Variants in MTMR10 observed in about 807,000 individuals in gnomAD.
The protein encoded by MTMR10 is myotubularin related protein 10.
Under a neutral mutation model 88.1 loss-of-function variants are expected in MTMR10, and 56 were observed. That is an observed-to-expected ratio of 0.64 (90% CI 0.51 to 0.79). MTMR10 has a LOEUF of 0.79. Ranked by LOEUF, MTMR10 falls within the 30% of genes least tolerant of loss-of-function variation. The pLI is 0.00. For synonymous variants in MTMR10, 380 were observed against 340.9 expected, an observed-to-expected ratio of 1.11 and a Z score of -1.26; for missense variants, 883 against 924.7, an observed-to-expected ratio of 0.95 and a Z score of 0.58.
chr15:30,960,730 G>C (rs2063390206), intron 7 of MTMR10, 151 bp downstream of exon 7: 1 of 1,127,160 alleles, frequency 8.9e-7, no homozygotes, highest in South Asian at 3.1e-5. Context: ...AATAAGCCTT[G>C]ATCTTTAAAA....
intron 3 of MTMR10, 31 bp from the exon 4 acceptor site, chr15:30,975,034 C>A: frequency 2.1e-6 from 3 of 1,431,892 alleles, no homozygotes; most frequent in Non-Finnish European, 1.9e-6. Context: ...CATATTAATT[C>A]TTTTCCCAAT....
At chr15:30,927,171 T>G in the MTMR10 span, 24 of 954,900 alleles carry the variant, frequency 2.5e-5, no homozygotes, top group African/African-American at 4.1e-4. Flanking sequence ...ATTGTGCCAC[T>G]GCACTCCAGT....
chr15:30,920,103 A>T, the MTMR10 span, among the ~76,000 whole-genome samples: 4 of 152,250 alleles, frequency 2.6e-5, no homozygotes, highest in African/African-American at 9.6e-5. Flanking sequence ...AGCCACAAGA[A>T]GTACGTATGC....
intron 4 of MTMR10, 37 bp downstream of exon 4, chr15:30,974,894 G>C: frequency 7.7e-7 from 1 of 1,297,426 alleles, no homozygotes; most frequent in South Asian, 1.6e-5. Context: ...TTCCAGAGTG[G>C]AATTGACTTT....
intron 5 of MTMR10, among the ~76,000 whole-genome samples, chr15:30,970,060 T>C (rs1209535484): frequency 6.6e-6 from 1 of 152,180 alleles, no homozygotes; most frequent in African/African-American, 2.4e-5. Flanking sequence ...ACTTCCAAGG[T>C]ATTCACATAA....
At chr15:30,965,749 A>G in intron 6 of MTMR10, 1 of 279,328 alleles carries the variant, frequency 3.6e-6, no homozygotes, top group Non-Finnish European at 7.2e-6. Flanking sequence ...GCTTTTCCTC[A>G]TGTGATACTG....
At position 30,953,575 on chromosome 15, in the gene MTMR10, A is replaced by G. The variant is rs1386463316; in HGVS notation, c.1123T>C (p.Leu375=). ...AGAAGTACAAACCTTACATATTCTA[A>G]CCATCGAGTATTTTCCAGTGAAGAT... ...WLSSLENTRW[L]EYVRAFLKHS... The change falls in exon 11 of 16, where the codon TTA becomes CTA. Residue 375 remains leucine, a synonymous_variant. Coordinates refer to ENST00000435680, the MANE Select transcript of MTMR10 (RefSeq NM_017762.3). 6.5e-7 allele frequency: 1 copy of G among 1,545,410 alleles called. No homozygotes were observed. The highest frequency in any genetic ancestry group is 1.4e-5 in the African/African-American group (1 of 72,976).
intron 5 of MTMR10, among the ~76,000 whole-genome samples, chr15:30,973,542 A>G (rs953188056): frequency 3.9e-5 from 6 of 152,138 alleles, no homozygotes; most frequent in Non-Finnish European, 7.4e-5. Flanking sequence ...TTGGTGGTGC[A>G]AAGACTGCCT....
At chr15:30,958,056 G>A (rs2063351766) in intron 9 of MTMR10, among the ~76,000 whole-genome samples, 2 of 152,176 alleles carry the variant, frequency 1.3e-5, no homozygotes, top group Admixed American at 6.5e-5. Context: ...GCTGGGGGAG[G>A]GCATGGAGGC....
chr15:30,946,760 C>G (rs907974478), intron 14 of MTMR10: 1 of 702,866 alleles, frequency 1.4e-6, no homozygotes, highest in African/African-American at 1.7e-5. Flanking sequence ...TTGTTTTGTA[C>G]AACTTTTTAT....
At chr15:30,967,657 A>G (rs932391730) in intron 6 of MTMR10, among the ~76,000 whole-genome samples, 5 of 152,196 alleles carry the variant, frequency 3.3e-5, no homozygotes, top group African/African-American at 1.2e-4. Context: ...TCATCATAAA[A>G]TACAAGCCAG....
At chr15:30,926,692 G>T in the MTMR10 span, 3 of 985,402 alleles carry the variant, frequency 3.0e-6, no homozygotes, top group African/African-American at 1.7e-5. Context: ...AGAAATAGAA[G>T]AATAGAATGC....
At chr15:30,980,269 T>C (rs886278236) in intron 2 of MTMR10, among the ~76,000 whole-genome samples, 4 of 152,174 alleles carry the variant, frequency 2.6e-5, no homozygotes, top group Non-Finnish European at 4.4e-5. Context: ...AATGTGTCCA[T>C]GCAAGTCAAG....
At chr15:30,945,937 C>T (rs1182790060) in intron 14 of MTMR10, among the ~76,000 whole-genome samples, 1 of 152,226 alleles carries the variant, frequency 6.6e-6, no homozygotes, top group African/African-American at 2.4e-5. Context: ...CACAGGTGCG[C>T]ACCACCATGT....
At chr15:30,988,035 A>T (rs2097755762) in intron 2 of MTMR10, among the ~76,000 whole-genome samples, 1 of 152,192 alleles carries the variant, frequency 6.6e-6, no homozygotes, top group African/African-American at 2.4e-5. Flanking sequence ...ACTCCCTCTT[A>T]GTAAAAGCTC....
the MTMR10 span, chr15:30,927,222 C>A: frequency 1.4e-5 from 14 of 985,262 alleles, no homozygotes; most frequent in African/African-American, 1.2e-4. Context: ...ACAAAACAAA[C>A]AAAGGAGTTC....
intron 2 of MTMR10, among the ~76,000 whole-genome samples, chr15:30,985,285 A>C (rs1386909750): frequency 1.3e-5 from 2 of 152,246 alleles, no homozygotes; most frequent in African/African-American, 4.8e-5. Context: ...ATTCTCTGAA[A>C]GTTCTTCTGC....
Position 30,961,040 on chromosome 15 carries a change from C to G in MTMR10, c.599G>C (p.Gly200Ala). The G allele has an allele frequency of 6.4e-7, 1 of 1,556,600 alleles. No homozygotes were observed. Among genetic ancestry groups the G allele is most frequent in the Non-Finnish European group, 8.7e-7 (1 of 1,149,654 alleles). Residue 200 changes from glycine (G) to alanine (A), a missense_variant, in exon 7 of 16, where the codon GGA becomes GCA. This residue lies in a region of MTMR10 where 414 missense variants were observed against 423.2 expected (regional missense o/e 0.98). Transcript: ENST00000435680. ...ATTACCTCCTCCTCCTCCTCCTCCT[C>G]CATCTCCTGAGGGAATTCCATTAAT... ...NKINGIPSGD[G>A]GGGGGGGNGA...
downstream of MTMR10, among the ~76,000 whole-genome samples, chr15:30,934,526 A>G (rs2062800751): frequency 1.3e-5 from 2 of 152,052 alleles, no homozygotes; most frequent in Non-Finnish European, 2.9e-5. Flanking sequence ...GGTGCACGCC[A>G]CCATGCCTGG....
Sources: allele counts gnomAD v4.1 joint callset (sites outside exome capture counted in the v4.1 genomes callset), GRCh38; gene constraint gnomAD v4.1.1; regional missense constraint gnomAD v4.1.1; transcripts MANE v1.5; gene names NCBI Gene and HGNC (gene_info 2026-07-23, HGNC 2026-07-21).